AKR1C8: variants seen among roughly 807,000 people sequenced by gnomAD.
AKR1C8 encodes the protein aldo-keto reductase family 1 member C8.
At chr10:5,147,347 C>CA in the AKR1C8 span, among the ~76,000 whole-genome samples, 1 of 152,114 alleles carries the variant, frequency 6.6e-6, no homozygotes, top group East Asian at 1.9e-4. Flanking sequence ...TCAAATATCG[C>CA]AATTACAGCA....
the AKR1C8 span, chr10:5,158,599 C>G: frequency 4.2e-6 from 2 of 473,582 alleles, no homozygotes; most frequent in Non-Finnish European, 8.8e-6. Flanking sequence ...ATTCTTATTA[C>G]CACTGTGGGT....
chr10:5,120,599 G>A, the AKR1C8 span, among the ~76,000 whole-genome samples: 2 of 152,032 alleles, frequency 1.3e-5, no homozygotes, highest in African/African-American at 2.4e-5. Flanking sequence ...GGGTCACAGA[G>A]ATGAGTAAGA....
chr10:5,127,449 T>C, the AKR1C8 span, among the ~76,000 whole-genome samples: 1 of 152,026 alleles, frequency 6.6e-6, no homozygotes, highest in Non-Finnish European at 1.5e-5. Flanking sequence ...GCTGGATGGG[T>C]GGCTCACACC....
chr10:5,118,538 T>G, the AKR1C8 span, among the ~76,000 whole-genome samples: 2 of 152,040 alleles, frequency 1.3e-5, no homozygotes, highest in African/African-American at 2.4e-5. Flanking sequence ...ATGGCTGGCT[T>G]TGGGAAAAAT....
chr10:5,148,167 T>C, the AKR1C8 span, among the ~76,000 whole-genome samples: 1 of 151,930 alleles, frequency 6.6e-6, no homozygotes, highest in African/African-American at 2.4e-5. Context: ...TCTGGCTGAA[T>C]GAGAAACTGA....
At chr10:5,133,717 C>A in the AKR1C8 span, among the ~76,000 whole-genome samples, 1 of 152,134 alleles carries the variant, frequency 6.6e-6, no homozygotes, top group African/African-American at 2.4e-5. Context: ...TTATAGACAG[C>A]ACCCTTATTA....
the AKR1C8 span, chr10:5,132,700 CA>C: frequency 6.3e-7 from 1 of 1,582,702 alleles, no homozygotes; most frequent in Non-Finnish European, 8.7e-7. Context: ...TATAAATGAG[CA>C]GAATCAATAT....
At chr10:5,167,778 C>CA in the AKR1C8 span, among the ~76,000 whole-genome samples, 79,675 of 151,356 alleles carry the variant, frequency 0.53, 21,940 homozygotes, top group Non-Finnish European at 0.6. Flanking sequence ...TTAAGTATAA[C>CA]AAAAAAAAGA....
the AKR1C8 span, among the ~76,000 whole-genome samples, chr10:5,164,302 A>C: frequency 6.6e-6 from 1 of 152,052 alleles, no homozygotes; most frequent in Non-Finnish European, 1.5e-5. Context: ...CTCACAGATG[A>C]CAAACCATTC....
the AKR1C8 span, among the ~76,000 whole-genome samples, chr10:5,179,443 G>C: frequency 1.3e-5 from 2 of 152,060 alleles, no homozygotes. Flanking sequence ...TGGTGAATCT[G>C]ACAATTATGT....
At chr10:5,161,812 T>C in the AKR1C8 span, 1 of 534,654 alleles carries the variant, frequency 1.9e-6, no homozygotes, top group Non-Finnish European at 3.8e-6. Flanking sequence ...CTTATAACCA[T>C]GATGAAACAG....
the AKR1C8 span, among the ~76,000 whole-genome samples, chr10:5,181,388 AT>A: frequency 6.6e-6 from 1 of 152,224 alleles, no homozygotes; most frequent in Non-Finnish European, 1.5e-5. Flanking sequence ...TGTTTAAATC[AT>A]TTTAACAAAA....
At chr10:5,162,056 A>G in the AKR1C8 span, 4 of 462,054 alleles carry the variant, frequency 8.7e-6, no homozygotes, top group Non-Finnish European at 1.8e-5. Context: ...AGACATTGAG[A>G]TATGAGTCTT....
the AKR1C8 span, chr10:5,159,938 A>C: frequency 3.0e-5 from 15 of 500,312 alleles, 2 homozygotes; most frequent in African/African-American, 2.5e-4. Flanking sequence ...GAGTTCCAGC[A>C]GCTTGTGATT....
the AKR1C8 span, among the ~76,000 whole-genome samples, chr10:5,149,132 A>AT: frequency 6.6e-6 from 1 of 152,112 alleles, no homozygotes. Flanking sequence ...TGAAAACATA[A>AT]TTTTGTTGAC....
the AKR1C8 span, among the ~76,000 whole-genome samples, chr10:5,176,042 A>G: frequency 6.6e-6 from 1 of 151,948 alleles, no homozygotes; most frequent in East Asian, 1.9e-4. Flanking sequence ...TTAGACATGA[A>G]GTCCTTGCCC....
chr10:5,117,688 G>T, the AKR1C8 span, among the ~76,000 whole-genome samples: 1 of 152,078 alleles, frequency 6.6e-6, no homozygotes, highest in East Asian at 1.9e-4. Flanking sequence ...CCTTTGGTGA[G>T]GTCTTCAGGC....
the AKR1C8 span, among the ~76,000 whole-genome samples, chr10:5,121,239 C>A: frequency 6.6e-5 from 10 of 152,122 alleles, no homozygotes; most frequent in African/African-American, 2.4e-4. Context: ...TCCAATGGAA[C>A]GTCATGTTTG....
the AKR1C8 span, among the ~76,000 whole-genome samples, chr10:5,149,178 T>A: frequency 6.6e-6 from 1 of 152,120 alleles, no homozygotes; most frequent in African/African-American, 2.4e-5. Flanking sequence ...TCAGACCAGA[T>A]AAATTGTAGT....
Sources: gnomAD v4.1 joint callset for allele counts (sites outside exome capture counted in the v4.1 genomes callset) on GRCh38, gnomAD v4.1.1 for gene constraint, MANE v1.5 for transcripts, NCBI Gene and HGNC (gene_info 2026-07-23, HGNC 2026-07-21) for gene names.